Variants in ERBIN observed in about 807,000 individuals in gnomAD.
ERBIN encodes erbb2 interacting protein.
ERBIN carries 60 observed loss-of-function variants against 158.4 expected under a neutral mutation model. The observed-to-expected ratio is 0.38, with a 90% CI of 0.31 to 0.47. ERBIN has a LOEUF of 0.47. Ranked by LOEUF, ERBIN falls within the 20% of genes least tolerant of loss-of-function variation. The pLI, the probability that ERBIN is intolerant of heterozygous loss-of-function variation, is 0.99. For synonymous variants in ERBIN, 594 were observed against 557.2 expected (o/e 1.07, Z -0.93); for missense variants, 1,610 against 1,648.0 (o/e 0.98, Z 0.40).
chr5:65,992,089 A>G (rs1301836656), intron 2 of ERBIN, among the ~76,000 whole-genome samples: 1 of 152,218 alleles, frequency 6.6e-6, no homozygotes, highest in Non-Finnish European at 1.5e-5. Flanking sequence ...AGTAAAATTA[A>G]ATAAAAATCT....
chr5:65,999,441 T>G (rs1193744942), intron 4 of ERBIN, among the ~76,000 whole-genome samples: 1 of 152,214 alleles, frequency 6.6e-6, no homozygotes, highest in East Asian at 1.9e-4. Flanking sequence ...TCTTCACTCC[T>G]AAATGTTTAA....
intron 6 of ERBIN, 26 bp downstream of exon 6, chr5:66,013,664 T>A (rs777516584): frequency 6.9e-6 from 10 of 1,459,634 alleles, no homozygotes; most frequent in Admixed American, 1.7e-5. Context: ...TTCTAAAACG[T>A]TTTATTATTA....
At chr5:66,020,935 T>C (rs1373756917) in intron 7 of ERBIN, among the ~76,000 whole-genome samples, 2 of 151,958 alleles carry the variant, frequency 1.3e-5, no homozygotes, top group Non-Finnish European at 2.9e-5. Flanking sequence ...TGAGCAGTTT[T>C]GAAAAAGAAT....
chr5:65,977,810 G>A (rs889017788), intron 1 of ERBIN, among the ~76,000 whole-genome samples: 14 of 152,328 alleles, frequency 9.2e-5, no homozygotes, highest in Admixed American at 3.9e-4. Flanking sequence ...GCAGGCGGCT[G>A]GGAGGTGGAG....
At chr5:66,027,181 G>T (rs532568852) in intron 13 of ERBIN, among the ~76,000 whole-genome samples, 5 of 152,118 alleles carry the variant, frequency 3.3e-5, no homozygotes, top group African/African-American at 9.6e-5. Context: ...ATGTAGGAGG[G>T]TTTTAAGACT....
intron 17 of ERBIN, among the ~76,000 whole-genome samples, chr5:66,044,705 C>T (rs1758244057): frequency 6.6e-6 from 1 of 151,842 alleles, no homozygotes; most frequent in Non-Finnish European, 1.5e-5. Flanking sequence ...GCGGGGGTTG[C>T]AGTGAGCCGA....
At chr5:66,023,108 C>G (rs1755869859) in intron 8 of ERBIN, 182 bp from the exon 9 acceptor site, 1 of 504,330 alleles carries the variant, frequency 2.0e-6, no homozygotes, top group Non-Finnish European at 3.4e-6. Context: ...ACTGTAGTAA[C>G]TATAATGCAG....
At chr5:66,036,593 C>T (rs1757421290) in intron 14 of ERBIN, among the ~76,000 whole-genome samples, 1 of 152,146 alleles carries the variant, frequency 6.6e-6, no homozygotes, top group African/African-American at 2.4e-5. Flanking sequence ...TGTAATTTCA[C>T]TTGGAATTAC....
chr5:65,978,343 G>T (rs1189000084), intron 1 of ERBIN, among the ~76,000 whole-genome samples: 3 of 151,908 alleles, frequency 2.0e-5, no homozygotes, highest in Non-Finnish European at 4.4e-5. Flanking sequence ...TGCATTTGTA[G>T]TCATATTTCT....
intron 10 of ERBIN, 81 bp downstream of exon 10, chr5:66,024,531 T>G: frequency 1.4e-6 from 2 of 1,380,070 alleles, no homozygotes; most frequent in Non-Finnish European, 2.0e-6. Context: ...TCACTTGTTA[T>G]GAGGTAGTTA....
chr5:65,943,437 A>G (rs1260364356), intron 1 of ERBIN, among the ~76,000 whole-genome samples: 1 of 152,220 alleles, frequency 6.6e-6, no homozygotes, highest in Non-Finnish European at 1.5e-5. Context: ...ACATTTGGTA[A>G]TCCATGTTCA....
chr5:65,988,758 C>G (rs1467870451), intron 2 of ERBIN, 76 bp downstream of exon 2: 1 of 152,010 alleles, frequency 6.6e-6, no homozygotes, highest in East Asian at 1.9e-4. Flanking sequence ...AATCCCAGCA[C>G]TTTGGGAGGT....
At chr5:66,066,506 C>T (rs570619311) in intron 21 of ERBIN, among the ~76,000 whole-genome samples, 1 of 149,374 alleles carries the variant, frequency 6.7e-6, no homozygotes, top group Non-Finnish European at 1.5e-5. Context: ...CCCTCTTAAC[C>T]TCCCACTGCC....
chr5:66,023,596 G>T (rs1231245642), intron 9 of ERBIN, among the ~76,000 whole-genome samples: 2 of 151,350 alleles, frequency 1.3e-5, no homozygotes, highest in Non-Finnish European at 2.9e-5. Context: ...CTTTCCAATG[G>T]TATCACTTGA....
At chr5:66,010,041 T>G (rs1248544609) in intron 4 of ERBIN, among the ~76,000 whole-genome samples, 1 of 152,190 alleles carries the variant, frequency 6.6e-6, no homozygotes, top group African/African-American at 2.4e-5. Flanking sequence ...CAGTTTGCAT[T>G]CTTACCAGCA....
At chr5:66,073,279 G>A (rs575043151) in intron 22 of ERBIN, among the ~76,000 whole-genome samples, 1 of 152,174 alleles carries the variant, frequency 6.6e-6, no homozygotes, top group South Asian at 2.1e-4. Flanking sequence ...TGGTATAAAC[G>A]TAGAGAAAAT....
At chr5:66,025,662 A>G (rs1261761688) in intron 11 of ERBIN, 110 bp downstream of exon 11, 1 of 956,630 alleles carries the variant, frequency 1.0e-6, no homozygotes, top group Admixed American at 2.1e-5. Context: ...GTAAACATTT[A>G]AGTAATTAGT....
intron 1 of ERBIN, among the ~76,000 whole-genome samples, chr5:65,935,230 C>T (rs416369): frequency 0.7 from 106,064 of 151,722 alleles, 39,309 homozygotes; most frequent in Non-Finnish European, 0.84. Context: ...GCATTTTCAA[C>T]CTGTGATATT....
At chr5:65,943,785 C>A (rs1745370051) in intron 1 of ERBIN, among the ~76,000 whole-genome samples, 1 of 152,308 alleles carries the variant, frequency 6.6e-6, no homozygotes, top group East Asian at 1.9e-4. Context: ...ATACCCTTCA[C>A]CACTGTTCAT....
Sources: allele counts gnomAD v4.1 joint callset (sites outside exome capture counted in the v4.1 genomes callset), GRCh38; gene constraint gnomAD v4.1.1; transcripts MANE v1.5; gene names NCBI Gene and HGNC (gene_info 2026-07-23, HGNC 2026-07-21).